The following MBNL2 variants were observed in gnomAD, a reference collection of about 807,000 sequenced individuals.
MBNL2 encodes muscleblind-like protein 2.
Under a neutral mutation model 41.9 loss-of-function variants are expected in MBNL2, and 17 were observed. The observed-to-expected ratio is 0.41, with a 90% CI of 0.28 to 0.61. MBNL2 has a LOEUF of 0.61. MBNL2 is among the 20% of genes least tolerant of loss of function. The probability of loss-of-function intolerance (pLI) is 0.35; values close to 1 mark genes in which losing one functional copy is unlikely to be tolerated. For missense variants in MBNL2, 336 were observed against 505.6 expected (o/e 0.66, Z 3.22); for synonymous variants, 195 against 182.9 (o/e 1.07, Z -0.53).
intron 2 of MBNL2, among the ~76,000 whole-genome samples, chr13:97,298,751 C>T (rs759722875): frequency 1.1e-4 from 16 of 152,160 alleles, no homozygotes; most frequent in Non-Finnish European, 2.2e-4. Context: ...ATATTTCACA[C>T]GTACCTATTA....
chr13:97,311,351 A>G (rs764512498), intron 2 of MBNL2, among the ~76,000 whole-genome samples: 1 of 152,218 alleles, frequency 6.6e-6, no homozygotes, highest in Admixed American at 6.5e-5. Context: ...GGTTCTAACT[A>G]TATAAAAATA....
At position 97,366,698 on chromosome 13, in the gene MBNL2, C is replaced by T; in HGVS notation, c.1048+1527C>T. On this transcript the variant is annotated intron_variant, in intron 8 of 8. Transcript: ENST00000679496. The surrounding 1 kb of genome is among the most constrained non-coding windows in gnomAD (Gnocchi z 4.7). ...TTAATTAGTTTATAGCAAGCATTTACAGACAGGTTGCACTTATTTAGAGTT... is the reference window on the plus strand; with the variant it reads ...TTAATTAGTTTATAGCAAGCATTTATAGACAGGTTGCACTTATTTAGAGTT... 1 of 701,532 alleles carries T rather than the reference C, an allele frequency of 1.4e-6. No individual in the cohort carries two copies. Among genetic ancestry groups the T allele is most frequent in the South Asian group, 1.6e-5 (1 of 64,032 alleles). The allele number at this position is 701,532 out of a possible 1,614,324, so 43.5% of individuals were successfully genotyped here.
chr13:97,344,258 C>T (rs964275309), intron 4 of MBNL2, among the ~76,000 whole-genome samples: 3 of 152,210 alleles, frequency 2.0e-5, no homozygotes, highest in Non-Finnish European at 4.4e-5. Context: ...TCTCTTTAAT[C>T]AGAGCTGTAG....
At chr13:97,163,734 TCTCA>T in the MBNL2 span, among the ~76,000 whole-genome samples, 1 of 152,076 alleles carries the variant, frequency 6.6e-6, no homozygotes, top group Non-Finnish European at 1.5e-5. Context: ...CTGCACACAC[TCTCA>T]GCAACCACCC....
the MBNL2 span, among the ~76,000 whole-genome samples, chr13:97,142,666 G>T: frequency 6.6e-6 from 1 of 152,154 alleles, no homozygotes; most frequent in East Asian, 1.9e-4. Flanking sequence ...GGCTTTCCTA[G>T]GTATCTCCTC....
the MBNL2 span, among the ~76,000 whole-genome samples, chr13:97,207,402 C>T: frequency 6.6e-6 from 1 of 152,146 alleles, no homozygotes; most frequent in African/African-American, 2.4e-5. Flanking sequence ...TTCCACGTGG[C>T]TGGGGAAGCC....
intron 7 of MBNL2, among the ~76,000 whole-genome samples, chr13:97,358,321 C>T (rs185303349): frequency 1.3e-5 from 2 of 152,174 alleles, no homozygotes; most frequent in East Asian, 3.9e-4. Flanking sequence ...AACTGAGGCC[C>T]CCTAAATGAG....
At chr13:97,215,175 C>T in the MBNL2 span, among the ~76,000 whole-genome samples, 1 of 152,116 alleles carries the variant, frequency 6.6e-6, no homozygotes, top group East Asian at 1.9e-4. Flanking sequence ...TTCAAATGCC[C>T]TTAGGCCTGG....
At chr13:97,180,987 G>A in the MBNL2 span, among the ~76,000 whole-genome samples, 1 of 151,998 alleles carries the variant, frequency 6.6e-6, no homozygotes, top group Non-Finnish European at 1.5e-5. Flanking sequence ...TCAGCTTCTA[G>A]AGGTCATCTG....
chr13:97,313,891 T>A (rs1172065595), intron 2 of MBNL2, among the ~76,000 whole-genome samples: 2 of 152,236 alleles, frequency 1.3e-5, no homozygotes, highest in Non-Finnish European at 2.9e-5. Flanking sequence ...CTGTATGAGA[T>A]CAGCAGTATT....
At chr13:97,342,221 C>G (rs1182792317) in intron 3 of MBNL2, among the ~76,000 whole-genome samples, 1 of 152,168 alleles carries the variant, frequency 6.6e-6, no homozygotes, top group Non-Finnish European at 1.5e-5. Context: ...ATCACCTCAA[C>G]CCACTAGCAT....
chr13:97,206,901 C>T, the MBNL2 span, among the ~76,000 whole-genome samples: 1 of 152,102 alleles, frequency 6.6e-6, no homozygotes, highest in Non-Finnish European at 1.5e-5. Context: ...AGTAGTGTGA[C>T]CTTGAGCAAG....
At chr13:97,177,146 T>C in the MBNL2 span, among the ~76,000 whole-genome samples, 1 of 152,146 alleles carries the variant, frequency 6.6e-6, no homozygotes, top group African/African-American at 2.4e-5. Flanking sequence ...GAGACCAGCC[T>C]GGGAAACATG....
chr13:97,188,211 A>G, the MBNL2 span, among the ~76,000 whole-genome samples: 19 of 152,262 alleles, frequency 1.2e-4, 1 homozygote, highest in South Asian at 3.3e-3. Flanking sequence ...GTGTGATCCC[A>G]TCACCACTCC....
intron 2 of MBNL2, among the ~76,000 whole-genome samples, chr13:97,306,894 A>C (rs895835367): frequency 7.9e-5 from 12 of 152,196 alleles, no homozygotes; most frequent in Non-Finnish European, 1.5e-4. Flanking sequence ...CTAGTTGGGA[A>C]GAAAATTTGG....
At chr13:97,247,547 T>G (rs1288327821) in intron 1 of MBNL2, among the ~76,000 whole-genome samples, 1 of 152,230 alleles carries the variant, frequency 6.6e-6, no homozygotes, top group East Asian at 1.9e-4. Context: ...TTCTCTTGTT[T>G]ATTGATTGAA....
intron 2 of MBNL2, among the ~76,000 whole-genome samples, chr13:97,299,670 A>G (rs1020483959): frequency 5.9e-5 from 9 of 151,932 alleles, no homozygotes; most frequent in Non-Finnish European, 7.4e-5. Context: ...CTATCTATCT[A>G]TCTATCTATC....
chr13:97,259,477 G>A (rs1013325233), intron 1 of MBNL2, among the ~76,000 whole-genome samples: 2 of 152,064 alleles, frequency 1.3e-5, no homozygotes, highest in South Asian at 4.1e-4. Context: ...ATCCCCTTTT[G>A]TGCTCCCTCC....
the MBNL2 span, chr13:97,179,249 C>T: frequency 1.6e-3 from 250 of 152,346 alleles, no homozygotes; most frequent in African/African-American, 5.8e-3. Context: ...GCCATTATTA[C>T]TGACTTTTTT....
Sources: allele counts gnomAD v4.1 joint callset (sites outside exome capture counted in the v4.1 genomes callset), GRCh38; gene constraint gnomAD v4.1.1; non-coding constraint Gnocchi (gnomAD v3.1); transcripts MANE v1.5; gene names NCBI Gene and HGNC (gene_info 2026-07-23, HGNC 2026-07-21).